The following PACRG variants were observed in gnomAD, a reference collection of about 807,000 sequenced individuals.
PACRG encodes parkin coregulated gene protein.
In PACRG, 29 loss-of-function variants were observed where a neutral mutation model predicts 29.7. The ratio of observed to expected loss-of-function variants is 0.98; its 90% CI spans 0.73 to 1.33. PACRG has a LOEUF of 1.33. Among genes scored for constraint, PACRG ranks in the 40% most tolerant of loss-of-function variants. The probability of loss-of-function intolerance (pLI) is 0.00; values close to 1 mark genes in which losing one functional copy is unlikely to be tolerated. For missense variants in PACRG, 279 were observed against 316.2 expected, an observed-to-expected ratio of 0.88 and a Z score of 0.89; for synonymous variants, 116 against 118.7, an observed-to-expected ratio of 0.98 and a Z score of 0.15.
chr6:162,916,531 T>C (rs1796706757), intron 2 of PACRG, among the ~76,000 whole-genome samples: 1 of 152,208 alleles, frequency 6.6e-6, no homozygotes, highest in South Asian at 2.1e-4. Context: ...TGTTATGCAG[T>C]ACCTTCTGCA....
chr6:163,116,301 G>T (rs1002008642), intron 4 of PACRG, among the ~76,000 whole-genome samples: 3 of 152,140 alleles, frequency 2.0e-5, no homozygotes, highest in Admixed American at 2.0e-4. Context: ...TAAATGACCA[G>T]ATCTCAGATG....
chr6:163,185,626 A>G (rs1338318882), intron 4 of PACRG, among the ~76,000 whole-genome samples: 2 of 152,230 alleles, frequency 1.3e-5, no homozygotes, highest in Admixed American at 1.3e-4. Context: ...GATGCCTGAG[A>G]TAAGATGCTG....
chr6:162,864,565 G>A (rs1792137589), intron 2 of PACRG, among the ~76,000 whole-genome samples: 1 of 152,090 alleles, frequency 6.6e-6, no homozygotes, highest in African/African-American at 2.4e-5. Flanking sequence ...ATGAGAAAAT[G>A]GACTCAAGAT....
chr6:162,990,657 G>T (rs1415014133), intron 2 of PACRG, among the ~76,000 whole-genome samples: 1 of 101,332 alleles, frequency 9.9e-6, no homozygotes, highest in Admixed American at 1.0e-4. Context: ...CAGATGAGTA[G>T]GTTGCGAAAA....
chr6:163,132,407 T>C (rs1163889217), intron 4 of PACRG, among the ~76,000 whole-genome samples: 2 of 152,228 alleles, frequency 1.3e-5, no homozygotes, highest in African/African-American at 4.8e-5. Flanking sequence ...GGAATCATTA[T>C]TGATAAGGTG....
In PACRG at chr6:163,124,481, C is replaced by T. The variant is rs79530017; in HGVS notation, c.613+35073C>T. On this transcript the variant is annotated intron_variant, in intron 4 of 4. Transcript: ENST00000366888. Reference sequence around the variant, plus strand: ...GGAGCCAACTATGTGACCTTGGGCACGTGAACAAAAGTTAATTCTATAAAC... The same window carrying T: ...GGAGCCAACTATGTGACCTTGGGCATGTGAACAAAAGTTAATTCTATAAAC... Among the ~76,000 whole-genome samples, 1,206 of 152,124 alleles carry T rather than the reference C, an allele frequency of 7.9e-3. 12 individuals are homozygous for T. Among genetic ancestry groups the T allele is most frequent in the Middle Eastern group, 0.017 (5 of 294 alleles).
At position 163,196,792 on chromosome 6, in the gene PACRG, A is replaced by C. The variant is rs59449158; in HGVS notation, c.613+107384A>C. ...CTAGAGAGACAGACAGACAGACAGAAAGACTAGACAGACAGACAGACAAAT... is the reference window on the plus strand; with the variant it reads ...CTAGAGAGACAGACAGACAGACAGACAGACTAGACAGACAGACAGACAAAT... On this transcript the variant is annotated intron_variant, in intron 4 of 4. Coordinates refer to ENST00000366888, the MANE Select transcript of PACRG (RefSeq NM_001080379.2). 8.4e-3 allele frequency among the ~76,000 whole-genome samples: 1,270 copies of C among 151,808 alleles called. 14 individuals are homozygous for C. Among genetic ancestry groups the C allele is most frequent in the African/African-American group, 0.03 (1,221 of 41,140 alleles).
At chr6:162,771,043 A>G (rs978288477) in intron 1 of PACRG, among the ~76,000 whole-genome samples, 195 of 152,296 alleles carry the variant, frequency 1.3e-3, no homozygotes, top group African/African-American at 4.6e-3. Context: ...ACTCAAAATA[A>G]AATTACAATG....
At chr6:163,031,130 T>C (rs1031645278) in intron 2 of PACRG, among the ~76,000 whole-genome samples, 22 of 152,274 alleles carry the variant, frequency 1.4e-4, no homozygotes, top group Middle Eastern at 3.4e-3. Flanking sequence ...CAATAAGAGG[T>C]GATATCTGGA....
chr6:162,966,336 G>C (rs1584893111), intron 2 of PACRG, among the ~76,000 whole-genome samples: 1 of 152,224 alleles, frequency 6.6e-6, no homozygotes, highest in East Asian at 1.9e-4. Flanking sequence ...GGTTATTCAT[G>C]ACCATTTGCG....
At chr6:162,747,337 T>C (rs1452429183) in intron 1 of PACRG, among the ~76,000 whole-genome samples, 3 of 67,538 alleles carry the variant, frequency 4.4e-5, no homozygotes, top group African/African-American at 9.5e-5. Flanking sequence ...TATATATATA[T>C]ATATATATAT....
At chr6:163,289,925 G>A (rs1385368032) in intron 4 of PACRG, among the ~76,000 whole-genome samples, 4 of 151,836 alleles carry the variant, frequency 2.6e-5, no homozygotes, top group Admixed American at 6.6e-5. Context: ...TCGGCTCACC[G>A]CAACCTCCGC....
intron 1 of PACRG, among the ~76,000 whole-genome samples, chr6:162,783,133 G>A (rs1171872692): frequency 6.6e-6 from 1 of 151,782 alleles, no homozygotes; most frequent in Non-Finnish European, 1.5e-5. Flanking sequence ...GCCTTAATTT[G>A]ATAACATGAA....
chr6:163,179,295 C>T (rs1779535448), intron 4 of PACRG: 1 of 455,056 alleles, frequency 2.2e-6, no homozygotes, highest in Non-Finnish European at 4.4e-6. Flanking sequence ...GCCTTCCTTC[C>T]CACCACACCT....
rs200436976 is a variant in PACRG at position 162,981,373 on chromosome 6, G to GAT, written c.292-80768_292-80767dup. 6.3e-4 allele frequency among the ~76,000 whole-genome samples: 95 copies of GAT among 151,040 alleles called. 1 individual carries two copies. In the East Asian group the frequency reaches 0.016, roughly 26 times the overall value. On this transcript the variant is annotated intron_variant, in intron 2 of 4. Coordinates refer to ENST00000366888, the MANE Select transcript of PACRG (RefSeq NM_001080379.2). ...ACCAATGATTGGATAAAGAAAATGT[G>GAT]ATATATATATGTATATATACACACA... is the stretch of plus-strand genomic sequence containing the variant.
Position 162,728,353 on chromosome 6 carries a change from G to A in PACRG, c.118G>A (p.Glu40Lys). 1 of 1,613,734 alleles carries A rather than the reference G, an allele frequency of 6.2e-7. No individual in the cohort carries two copies. Among genetic ancestry groups the A allele is most frequent in the Non-Finnish European group, 8.5e-7 (1 of 1,180,030 alleles). ...GCACCAGCCTCACTCTCTGGTTTCT[G>A]AGGGTTTCACAGTCAAAGCCATGAT... ...PVHQPHSLVS[E>K]GFTVKAMMKN... is the part of the protein sequence containing the mutation. The change falls in exon 1 of 5, where the codon GAG (glutamate) becomes AAG (lysine). Residue 40 changes from glutamate to lysine, a missense_variant. Transcript: ENST00000366888.
At chr6:163,200,306 C>G (rs972114227) in intron 4 of PACRG, among the ~76,000 whole-genome samples, 3 of 152,066 alleles carry the variant, frequency 2.0e-5, no homozygotes, top group Non-Finnish European at 2.9e-5. Flanking sequence ...AAATCAGGAA[C>G]TGGGACATTG....
In PACRG at chr6:163,061,447, G is replaced by T. The variant is rs74704649; in HGVS notation, c.292-703G>T. Among the ~76,000 whole-genome samples the T allele has an allele frequency of 4.5e-4, 69 of 152,344 alleles. 2 individuals are homozygous for T. In the East Asian group the frequency reaches 0.013, roughly 28 times the overall value. Reference sequence around the variant, plus strand: ...AAGGTCTGGACAGGGGACATGGAGGGACACTGAGGGTGATGGGTGGAGATG... The same window carrying T: ...AAGGTCTGGACAGGGGACATGGAGGTACACTGAGGGTGATGGGTGGAGATG... On this transcript the variant is annotated intron_variant, in intron 2 of 4. Transcript: ENST00000366888.
At chr6:162,730,550 G>T (rs1779683725) in intron 1 of PACRG, among the ~76,000 whole-genome samples, 2 of 152,112 alleles carry the variant, frequency 1.3e-5, no homozygotes, top group African/African-American at 4.8e-5. Flanking sequence ...GTGCGATAGT[G>T]ATACAAGTAC....
Sources: allele counts gnomAD v4.1 joint callset (sites outside exome capture counted in the v4.1 genomes callset), GRCh38; gene constraint gnomAD v4.1.1; transcripts MANE v1.5; gene names NCBI Gene and HGNC (gene_info 2026-07-23, HGNC 2026-07-21).